The following HPSE2 variants were observed in gnomAD, a reference collection of about 807,000 sequenced individuals.
HPSE2 encodes heparanase 2 (inactive), also known as inactive heparanase-2.
In HPSE2, 38 loss-of-function variants were observed where a neutral mutation model predicts 60.5. The ratio of observed to expected loss-of-function variants is 0.63; its 90% CI spans 0.48 to 0.82. The LOEUF is 0.82. Among genes scored for constraint, HPSE2 ranks in the 40% least tolerant of loss-of-function variants. The pLI is 0.00. For missense variants in HPSE2, 713 were observed against 740.4 expected (o/e 0.96, Z 0.43); for synonymous variants, 295 against 293.2 (o/e 1.01, Z -0.06).
At chr10:98,617,354 C>A (rs919470061) in intron 8 of HPSE2, among the ~76,000 whole-genome samples, 9 of 152,298 alleles carry the variant, frequency 5.9e-5, no homozygotes, top group African/African-American at 2.2e-4. Flanking sequence ...AGAATCATAT[C>A]AAATGTCTAC....
rs1400974532 is a variant in HPSE2, at chr10:98,933,738, CT to C, written c.611-189683del. Among the ~76,000 whole-genome samples the C allele has an allele frequency of 4.0e-4, 54 of 133,508 alleles. 1 individual carries two copies. The highest frequency in any genetic ancestry group is 4.5e-4 in the Admixed American group (6 of 13,400). 87.6% of individuals were successfully genotyped at this position (133,508 alleles called of 152,430 possible). A position where few individuals can be genotyped will look rare whatever the true frequency, so the allele number is the denominator to read the frequency against. ...TTCATTGCCTTTTTCTTTTTCTTTT[CT>C]TTTTTTTTTTGAGATGGAGTCTTGC... On this transcript the variant is annotated intron_variant, in intron 3 of 11. Transcript: ENST00000370552.
At chr10:99,307,666 G>C in the HPSE2 span, among the ~76,000 whole-genome samples, 8 of 152,362 alleles carry the variant, frequency 5.3e-5, no homozygotes, top group African/African-American at 1.7e-4. Flanking sequence ...CAGCCAAGGA[G>C]TTAATTCAGG....
chr10:99,315,526 G>A, the HPSE2 span, among the ~76,000 whole-genome samples: 2 of 152,194 alleles, frequency 1.3e-5, no homozygotes, highest in African/African-American at 4.8e-5. Flanking sequence ...GGTGAAAAGC[G>A]AAGCGAGGAA....
At chr10:98,462,481 T>C (rs1940337476) in intron 11 of HPSE2, among the ~76,000 whole-genome samples, 1 of 152,004 alleles carries the variant, frequency 6.6e-6, no homozygotes, top group African/African-American at 2.4e-5. Flanking sequence ...GTCTGACCTG[T>C]TGTTGCTATT....
At chr10:98,753,087 T>C (rs1388733563) in intron 3 of HPSE2, among the ~76,000 whole-genome samples, 3 of 152,136 alleles carry the variant, frequency 2.0e-5, no homozygotes, top group Non-Finnish European at 4.4e-5. Flanking sequence ...AAAGAATACA[T>C]AATTACAGTT....
At chr10:99,131,584 C>T (rs1845386130) in intron 3 of HPSE2, among the ~76,000 whole-genome samples, 1 of 152,002 alleles carries the variant, frequency 6.6e-6, no homozygotes, top group Non-Finnish European at 1.5e-5. Flanking sequence ...GAAATAAGAC[C>T]ATTTGCAGCA....
At chr10:99,043,321 A>G (rs1272028384) in intron 3 of HPSE2, among the ~76,000 whole-genome samples, 2 of 152,036 alleles carry the variant, frequency 1.3e-5, no homozygotes, top group Admixed American at 6.6e-5. Context: ...CATCTCTACT[A>G]AAAATACAAA....
intron 3 of HPSE2, among the ~76,000 whole-genome samples, chr10:99,106,859 T>G (rs1246979850): frequency 1.3e-5 from 2 of 152,140 alleles, no homozygotes; most frequent in Admixed American, 6.5e-5. Context: ...TAGGCCTTTC[T>G]GACTCTTAAG....
chr10:98,857,623 T>C (rs1269450769), intron 3 of HPSE2, among the ~76,000 whole-genome samples: 2 of 152,174 alleles, frequency 1.3e-5, no homozygotes, highest in South Asian at 2.1e-4. Context: ...AACTGTGTCA[T>C]GGATCTCAAT....
chr10:98,690,444 G>C (rs938222874), intron 6 of HPSE2, among the ~76,000 whole-genome samples: 11 of 152,198 alleles, frequency 7.2e-5, no homozygotes, highest in African/African-American at 2.4e-4. Flanking sequence ...GGGAGGCTGA[G>C]GCAGGAGAAT....
intron 3 of HPSE2, among the ~76,000 whole-genome samples, chr10:98,873,451 T>C (rs994532721): frequency 2.0e-5 from 3 of 152,030 alleles, no homozygotes; most frequent in Non-Finnish European, 2.9e-5. Flanking sequence ...AGTGGGAACA[T>C]GTGGTGTTTG....
the HPSE2 span, among the ~76,000 whole-genome samples, chr10:99,267,777 C>A: frequency 7.0e-4 from 91 of 130,120 alleles, no homozygotes; most frequent in Middle Eastern, 3.6e-3. Context: ...GAGACTCCAT[C>A]AAAAAAAAAA....
chr10:99,193,234 G>A (rs765258338), intron 2 of HPSE2, among the ~76,000 whole-genome samples: 4 of 151,764 alleles, frequency 2.6e-5, no homozygotes, highest in Non-Finnish European at 5.9e-5. Context: ...TGAGTTATAC[G>A]GTATTATTTG....
intron 11 of HPSE2, among the ~76,000 whole-genome samples, chr10:98,471,842 A>C (rs1175235584): frequency 1.3e-5 from 2 of 152,162 alleles, no homozygotes; most frequent in Non-Finnish European, 2.9e-5. Flanking sequence ...AGTTTCTATA[A>C]AATCATTCAG....
chr10:98,575,759 C>G (rs943392351), intron 9 of HPSE2, among the ~76,000 whole-genome samples: 1 of 152,168 alleles, frequency 6.6e-6, no homozygotes. Context: ...GGTGCAGATT[C>G]TTGACTTTCT....
the HPSE2 span, among the ~76,000 whole-genome samples, chr10:99,290,204 T>C: frequency 6.6e-6 from 1 of 152,074 alleles, no homozygotes; most frequent in African/African-American, 2.4e-5. Flanking sequence ...GTCTTAAAGT[T>C]TTCTTTGCCT....
the HPSE2 span, among the ~76,000 whole-genome samples, chr10:99,276,720 T>C: frequency 1.3e-5 from 2 of 152,090 alleles, no homozygotes; most frequent in Non-Finnish European, 2.9e-5. Context: ...TCAGGCACAA[T>C]GACACAAATA....
At chr10:98,796,069 T>G (rs915694467) in intron 3 of HPSE2, among the ~76,000 whole-genome samples, 12 of 152,102 alleles carry the variant, frequency 7.9e-5, no homozygotes, top group Admixed American at 7.9e-4. Context: ...TGTGCTCACT[T>G]TAGGGTGTGA....
At chr10:98,690,370 C>T (rs1434676356) in intron 6 of HPSE2, among the ~76,000 whole-genome samples, 1 of 152,076 alleles carries the variant, frequency 6.6e-6, no homozygotes, top group Non-Finnish European at 1.5e-5. Flanking sequence ...GAAACCCCAT[C>T]TCTAATAAAC....
Sources: allele counts gnomAD v4.1 joint callset (sites outside exome capture counted in the v4.1 genomes callset), GRCh38; gene constraint gnomAD v4.1.1; transcripts MANE v1.5; gene names NCBI Gene and HGNC (gene_info 2026-07-23, HGNC 2026-07-21).